The following FLI1 variants were observed in gnomAD, a reference collection of about 807,000 sequenced individuals.
FLI1 encodes the protein Fli-1 proto-oncogene, ETS transcription factor.
In FLI1, 13 loss-of-function variants were observed where a neutral mutation model predicts 53.1. That is an observed-to-expected ratio of 0.24 (90% CI 0.16 to 0.39). FLI1 has a LOEUF of 0.39. FLI1 is among the 10% of genes least tolerant of loss of function. FLI1 has a pLI of 1.00. For synonymous variants in FLI1, 244 were observed against 236.7 expected, an observed-to-expected ratio of 1.03 and a Z score of -0.28; for missense variants, 424 against 600.5, an observed-to-expected ratio of 0.71 and a Z score of 3.07.
chr11:128,721,664 C>G (rs1939258422), intron 1 of FLI1, among the ~76,000 whole-genome samples: 1 of 152,172 alleles, frequency 6.6e-6, no homozygotes, highest in African/African-American at 2.4e-5. Flanking sequence ...CCTACATGAA[C>G]CCAAACCTTT....
chr11:128,718,263 A>T (rs1183307884), intron 1 of FLI1, among the ~76,000 whole-genome samples: 1 of 152,228 alleles, frequency 6.6e-6, no homozygotes, highest in African/African-American at 2.4e-5. Context: ...AAGAGGCCAC[A>T]TCTTTGTGGA....
chr11:128,753,293 C>T (rs139967666), intron 1 of FLI1, among the ~76,000 whole-genome samples: 9 of 152,376 alleles, frequency 5.9e-5, no homozygotes, highest in South Asian at 4.1e-4. Context: ...TAGGAGCCCA[C>T]GCCTCCTGTC....
chr11:128,698,461 G>A (rs1165436373), intron 1 of FLI1, among the ~76,000 whole-genome samples: 3 of 152,106 alleles, frequency 2.0e-5, no homozygotes, highest in Non-Finnish European at 4.4e-5. Context: ...AAGTTTATAG[G>A]TTGGCAACTT....
At chr11:128,695,245 A>G (rs961574107) in intron 1 of FLI1, among the ~76,000 whole-genome samples, 3 of 152,272 alleles carry the variant, frequency 2.0e-5, no homozygotes, top group African/African-American at 7.2e-5. Context: ...TCACTTCAGA[A>G]AAGTTGACTG....
Position 128,730,224 on chromosome 11 carries a change from C to A in FLI1, c.19-27891C>A, listed in dbSNP as rs115465319. 3.2e-3 allele frequency among the ~76,000 whole-genome samples: 481 copies of A among 152,312 alleles called. 4 individuals are homozygous for A. Among genetic ancestry groups the A allele is most frequent in the African/African-American group, 0.01 (427 of 41,568 alleles). On this transcript the variant is annotated intron_variant, in intron 1 of 8. Transcript: ENST00000527786. ...CTGTGTTAAAAACTTTACTTATATC[C>A]TCTCATTCCATCCTCACAACCCTAT... is the stretch of plus-strand genomic sequence containing the variant.
intron 1 of FLI1, among the ~76,000 whole-genome samples, chr11:128,718,929 T>C (rs1236417824): frequency 6.6e-6 from 1 of 152,246 alleles, no homozygotes; most frequent in Admixed American, 6.5e-5. Flanking sequence ...TCAGGCTTTC[T>C]TGGACTTCCT....
chr11:128,737,052 T>C lies in FLI1; in HGVS notation c.19-21063T>C, dbSNP rs1939943130. Reference sequence around the variant, plus strand: ...ATATATTTCTGTGAAAGAATATGGATATCTTTCAGTGCTCAAGAGGCAGTA... The same window carrying C: ...ATATATTTCTGTGAAAGAATATGGACATCTTTCAGTGCTCAAGAGGCAGTA... On this transcript the variant is annotated intron_variant, in intron 1 of 8. Coordinates refer to ENST00000527786, the MANE Select transcript of FLI1 (RefSeq NM_002017.5). Among the ~76,000 whole-genome samples, 4 of 152,364 alleles carry C rather than the reference T, an allele frequency of 2.6e-5. No homozygotes were observed. The South Asian group carries it at 8.3e-4, about 32-fold the overall frequency.
chr11:128,708,332 C>T (rs1474404661), intron 1 of FLI1, among the ~76,000 whole-genome samples: 1 of 152,190 alleles, frequency 6.6e-6, no homozygotes, highest in Non-Finnish European at 1.5e-5. Context: ...CTACTTTTAA[C>T]TCCCTTCTGA....
intron 7 of FLI1, 104 bp from the exon 8 acceptor site, chr11:128,809,053 T>C (rs1441079759): frequency 1.2e-6 from 1 of 846,182 alleles, no homozygotes; most frequent in Non-Finnish European, 1.9e-6. Flanking sequence ...GTCTTTCCTG[T>C]GATCTTGAAA....
Position 128,812,695 on chromosome 11 carries a change from C to T in FLI1, c.*1707C>T. The T allele has an allele frequency of 4.5e-6, 1 of 221,204 alleles. No individual in the cohort carries two copies. The highest frequency in any genetic ancestry group is 9.1e-6 in the Non-Finnish European group (1 of 110,316). 13.7% of individuals were successfully genotyped at this position (221,204 alleles called of 1,614,324 possible). A position where few individuals can be genotyped will look rare whatever the true frequency, so the allele number is the denominator to read the frequency against. On this transcript the variant is annotated 3_prime_UTR_variant, in exon 9 of 9. Coordinates refer to ENST00000527786, the MANE Select transcript of FLI1 (RefSeq NM_002017.5). The stretch of plus-strand genomic sequence containing the variant: ...TATGTAAGGACTGGAGCAAAGCGAG[C>T]TGGTCTATCCAGACTGGTCTGTGAG...
At chr11:128,766,278 T>C (rs1941336430) in intron 2 of FLI1, among the ~76,000 whole-genome samples, 1 of 152,204 alleles carries the variant, frequency 6.6e-6, no homozygotes, top group African/African-American at 2.4e-5. Context: ...AAAGTCCTGA[T>C]GTGCTACTGC....
intron 1 of FLI1, among the ~76,000 whole-genome samples, chr11:128,728,867 G>T (rs1185996662): frequency 6.6e-6 from 1 of 152,208 alleles, no homozygotes; most frequent in Non-Finnish European, 1.5e-5. Flanking sequence ...CCTAGCCAAG[G>T]GTGGGGTGAA....
chr11:128,762,206 A>G (rs1315297819), intron 2 of FLI1, among the ~76,000 whole-genome samples: 5 of 152,240 alleles, frequency 3.3e-5, no homozygotes, highest in Non-Finnish European at 7.3e-5. Context: ...TGCTTCTCCT[A>G]TCCTCTGAGT....
chr11:128,788,611 T>C (rs1942172660), intron 5 of FLI1, among the ~76,000 whole-genome samples: 3 of 152,176 alleles, frequency 2.0e-5, no homozygotes, highest in Admixed American at 6.5e-5. Flanking sequence ...TGGAAAATCA[T>C]TAATGCTCAA....
At chr11:128,783,438 C>T (rs925451565) in intron 5 of FLI1, among the ~76,000 whole-genome samples, 1 of 152,170 alleles carries the variant, frequency 6.6e-6, no homozygotes, top group African/African-American at 2.4e-5. Flanking sequence ...TCATTTGTTT[C>T]CTTCTCTCCT....
chr11:128,691,239 A>T (rs928197673), upstream of FLI1, among the ~76,000 whole-genome samples: 1 of 152,230 alleles, frequency 6.6e-6, no homozygotes, highest in Non-Finnish European at 1.5e-5. Context: ...CACATTAAAC[A>T]GGGTAGACTT....
At chr11:128,782,849 C>T (rs560901689) in intron 5 of FLI1, among the ~76,000 whole-genome samples, 3 of 152,128 alleles carry the variant, frequency 2.0e-5, no homozygotes, top group Non-Finnish European at 4.4e-5. Flanking sequence ...AATTCCTCAG[C>T]GTCTTTATGA....
chr11:128,780,600 A>T (rs182067199), intron 4 of FLI1, among the ~76,000 whole-genome samples: 56 of 152,362 alleles, frequency 3.7e-4, no homozygotes, highest in East Asian at 3.3e-3. Flanking sequence ...CGTTTCAAAA[A>T]AAATAAATAA....
At chr11:128,767,231 T>C (rs1941377529) in intron 2 of FLI1, among the ~76,000 whole-genome samples, 1 of 152,230 alleles carries the variant, frequency 6.6e-6, no homozygotes, top group Admixed American at 6.5e-5. Context: ...ATCTGCTTTC[T>C]CTCTTGTGAA....
Sources: allele counts gnomAD v4.1 joint callset (sites outside exome capture counted in the v4.1 genomes callset), GRCh38; gene constraint gnomAD v4.1.1; transcripts MANE v1.5; gene names NCBI Gene and HGNC (gene_info 2026-07-23, HGNC 2026-07-21).